CSMD1: variants seen among roughly 807,000 people sequenced by gnomAD.
CSMD1 encodes the protein CUB and sushi domain-containing protein 1.
CSMD1 carries 213 observed loss-of-function variants against 417.5 expected under a neutral mutation model. The observed-to-expected ratio is 0.51, with a 90% CI of 0.46 to 0.57. CSMD1 has a LOEUF of 0.57. Ranked by LOEUF, CSMD1 falls within the 20% of genes least tolerant of loss-of-function variation. The pLI is 0.00. For synonymous variants in CSMD1, 2,862 were observed against 1,736.8 expected (o/e 1.65, Z -16.11); for missense variants, 6,923 against 4,529.7 (o/e 1.53, Z -15.17).
chr8:3,209,054 A>G (rs1797457090), intron 30 of CSMD1, among the ~76,000 whole-genome samples: 1 of 152,218 alleles, frequency 6.6e-6, no homozygotes, highest in African/African-American at 2.4e-5. Flanking sequence ...GTGCAAGCAT[A>G]GAATAAAAGA....
At chr8:4,052,310 T>C (rs780449341) in intron 3 of CSMD1, among the ~76,000 whole-genome samples, 2 of 152,158 alleles carry the variant, frequency 1.3e-5, no homozygotes, top group African/African-American at 4.8e-5. Flanking sequence ...ACGCTGACAT[T>C]TAATGCGTAA....
At chr8:3,815,633 T>G (rs1412178796) in intron 5 of CSMD1, among the ~76,000 whole-genome samples, 1 of 151,682 alleles carries the variant, frequency 6.6e-6, no homozygotes, top group East Asian at 1.9e-4. Flanking sequence ...TTTCTTTTTT[T>G]TTTTTTTTAA....
At chr8:4,396,638 CACAT>C in intron 3 of CSMD1, among the ~76,000 whole-genome samples, 1 of 151,744 alleles carries the variant, frequency 6.6e-6, no homozygotes, top group South Asian at 2.1e-4. Context: ...CACACACACA[CACAT>C]AAATATCTAT....
chr8:2,965,640 T>G, intron 59 of CSMD1, 135 bp downstream of exon 59: 1 of 664,566 alleles, frequency 1.5e-6, no homozygotes, highest in Non-Finnish European at 2.5e-6. Context: ...TAAAGTGACT[T>G]AATAGTTGCA....
chr8:4,299,284 T>A (rs1484839294), intron 3 of CSMD1, among the ~76,000 whole-genome samples: 2 of 152,232 alleles, frequency 1.3e-5, no homozygotes, highest in African/African-American at 2.4e-5. Context: ...GATAAAGTTT[T>A]TCTTCACCCC....
At chr8:3,771,747 G>A (rs1157863891) in intron 5 of CSMD1, among the ~76,000 whole-genome samples, 1 of 152,170 alleles carries the variant, frequency 6.6e-6, no homozygotes, top group Non-Finnish European at 1.5e-5. Context: ...TTGACTGTGT[G>A]TGTTCAAATG....
chr8:4,709,388 C>A (rs1181419951), intron 1 of CSMD1, among the ~76,000 whole-genome samples: 1 of 152,044 alleles, frequency 6.6e-6, no homozygotes, highest in African/African-American at 2.4e-5. Context: ...CAATTTGGAG[C>A]CAAGGGACGA....
At chr8:4,942,271 C>G (rs1159549060) in intron 1 of CSMD1, among the ~76,000 whole-genome samples, 1 of 152,070 alleles carries the variant, frequency 6.6e-6, no homozygotes, top group African/African-American at 2.4e-5. Flanking sequence ...CCTCTTCCAT[C>G]TTGATAAAAC....
In CSMD1 at chr8:3,930,576, G is replaced by A. The variant is rs555273625; in HGVS notation, c.818+67327C>T. 1.5e-4 allele frequency among the ~76,000 whole-genome samples: 22 copies of A among 150,280 alleles called. 1 individual carries two copies. In the South Asian group the frequency reaches 2.4e-3, roughly 16 times the overall value. ...AATCGGGACAAATACAGAATCTGAG[G>A]TCCCGTTCCAGCCAAAGGAAACGGG... On this transcript the variant is annotated intron_variant, in intron 5 of 69. Transcript: ENST00000635120.
chr8:3,999,533 T>C (rs987767812), intron 4 of CSMD1, among the ~76,000 whole-genome samples: 5 of 152,176 alleles, frequency 3.3e-5, no homozygotes, highest in Non-Finnish European at 7.3e-5. Context: ...GAGGGTGATA[T>C]AGGTCCCTTC....
intron 2 of CSMD1, among the ~76,000 whole-genome samples, chr8:4,428,076 A>C (rs185295190): frequency 6.6e-6 from 1 of 152,134 alleles, no homozygotes; most frequent in Admixed American, 6.5e-5. Context: ...TCTCGTTTTC[A>C]TATCAGACAA....
intron 25 of CSMD1, among the ~76,000 whole-genome samples, chr8:3,304,549 G>T (rs1387962164): frequency 6.6e-6 from 1 of 152,196 alleles, no homozygotes; most frequent in South Asian, 2.1e-4. Flanking sequence ...GATAAACATG[G>T]ATGGCTACCC....
intron 3 of CSMD1, among the ~76,000 whole-genome samples, chr8:4,287,205 C>T (rs1161592659): frequency 6.6e-6 from 1 of 152,190 alleles, no homozygotes; most frequent in Admixed American, 6.5e-5. Context: ...ACTCACATAG[C>T]TAATTAGATA....
At chr8:3,005,684 C>T (rs533225518) in intron 52 of CSMD1, among the ~76,000 whole-genome samples, 1 of 152,130 alleles carries the variant, frequency 6.6e-6, no homozygotes, top group African/African-American at 2.4e-5. Flanking sequence ...ATGATTATCT[C>T]GATAGATGCA....
At chr8:4,737,995 A>C (rs1364534344) in intron 1 of CSMD1, among the ~76,000 whole-genome samples, 2 of 152,234 alleles carry the variant, frequency 1.3e-5, no homozygotes, top group African/African-American at 4.8e-5. Context: ...TAATGATAGC[A>C]TATCCTTTCT....
At chr8:3,214,161 A>G (rs1797763599) in intron 30 of CSMD1, among the ~76,000 whole-genome samples, 1 of 152,016 alleles carries the variant, frequency 6.6e-6, no homozygotes, top group Non-Finnish European at 1.5e-5. Context: ...AGTATTTTAT[A>G]TATGGAGAGA....
chr8:4,816,533 A>C (rs1799218276), intron 1 of CSMD1, among the ~76,000 whole-genome samples: 1 of 152,072 alleles, frequency 6.6e-6, no homozygotes, highest in Admixed American at 6.6e-5. Flanking sequence ...CAGCCAAATC[A>C]CGGTTTCTTT....
At chr8:4,071,020 A>C (rs1466014400) in intron 3 of CSMD1, among the ~76,000 whole-genome samples, 2 of 152,082 alleles carry the variant, frequency 1.3e-5, no homozygotes, top group Non-Finnish European at 2.9e-5. Flanking sequence ...GCTGCTTTCA[A>C]GCTTTTTCTC....
chr8:4,722,558 C>T (rs2116916116), intron 1 of CSMD1, among the ~76,000 whole-genome samples: 1 of 152,204 alleles, frequency 6.6e-6, no homozygotes, highest in Admixed American at 6.5e-5. Flanking sequence ...TTTCCAAATG[C>T]ATCAGATAGT....
Sources: allele counts gnomAD v4.1 joint callset (sites outside exome capture counted in the v4.1 genomes callset), GRCh38; gene constraint gnomAD v4.1.1; transcripts MANE v1.5; gene names NCBI Gene and HGNC (gene_info 2026-07-23, HGNC 2026-07-21).